The following TMPRSS9 variants were observed in gnomAD, a reference collection of about 807,000 sequenced individuals.
The protein encoded by TMPRSS9 is transmembrane serine protease 9, also known as transmembrane protease serine 9.
In TMPRSS9, 113 loss-of-function variants were observed where a neutral mutation model predicts 111.4. The observed-to-expected ratio is 1.01, with a 90% CI of 0.87 to 1.19. The LOEUF (loss-of-function observed/expected upper bound fraction) is 1.19. Among genes scored for constraint, TMPRSS9 ranks in the 50% most tolerant of loss-of-function variants. TMPRSS9 has a pLI of 0.00. For missense variants in TMPRSS9, 1,803 were observed against 1,513.1 expected, an observed-to-expected ratio of 1.19 and a Z score of -3.18; for synonymous variants, 805 against 659.1, an observed-to-expected ratio of 1.22 and a Z score of -3.39.
chr19:2,401,091 G>A (rs548360895), intron 4 of TMPRSS9, among the ~76,000 whole-genome samples: 13 of 150,832 alleles, frequency 8.6e-5, no homozygotes, highest in Non-Finnish European at 8.9e-5. Flanking sequence ...TGGCTAACAC[G>A]GTGAAACCCC....
chr19:2,415,578 T>C, intron 10 of TMPRSS9, 92 bp from the exon 12 acceptor site: 1 of 1,249,610 alleles, frequency 8.0e-7, no homozygotes. Context: ...CTTCAGGGCC[T>C]GGCTGCAACC....
rs565851114 is a variant in TMPRSS9 at position 2,411,891 on chromosome 19, C to G, written c.1254+1497C>G. Among the ~76,000 whole-genome samples, 9 of 152,252 alleles carry G rather than the reference C, an allele frequency of 5.9e-5. No homozygotes were observed. In the South Asian group the frequency reaches 1.7e-3, roughly 28 times the overall value. On this transcript the variant is annotated intron_variant, in intron 9 of 17. Coordinates refer to ENST00000648592, the Ensembl canonical transcript of TMPRSS9. ...TTGTTTTCAAGGTGTCTCATTCTTT[C>G]TTCTTTCAGCCACCTGGTCTTGTTT...
At chr19:2,396,511 C>G (rs373664796) in intron 1 of TMPRSS9, 28 bp from the exon 3 acceptor site, 13 of 1,569,356 alleles carry the variant, frequency 8.3e-6, no homozygotes, top group African/African-American at 2.7e-5. Context: ...AAGGTGGGCT[C>G]TCTCACGGGC....
chr19:2,389,577 G>T (rs182442287), upstream of TMPRSS9, among the ~76,000 whole-genome samples: 820 of 151,386 alleles, frequency 5.4e-3, 7 homozygotes, highest in Non-Finnish European at 9.5e-3. Flanking sequence ...CATGTTGGCC[G>T]GGCTGATCTG....
At chr19:2,424,682 G>T (rs1163047445) in intron 15 of TMPRSS9, among the ~76,000 whole-genome samples, 1 of 152,170 alleles carries the variant, frequency 6.6e-6, no homozygotes, top group East Asian at 1.9e-4. Context: ...GGCAGTCGAG[G>T]GGTCCGGTTT....
At chr19:2,393,588 C>G (rs1284912854) in intron 1 of TMPRSS9, among the ~76,000 whole-genome samples, 1 of 152,116 alleles carries the variant, frequency 6.6e-6, no homozygotes, top group African/African-American at 2.4e-5. Flanking sequence ...GAAACCCTGT[C>G]TCTACAAAAG....
At chr19:2,421,585 C>T (rs1971462992) in intron 13 of TMPRSS9, among the ~76,000 whole-genome samples, 1 of 152,104 alleles carries the variant, frequency 6.6e-6, no homozygotes, top group Non-Finnish European at 1.5e-5. Flanking sequence ...CCACGCCTGG[C>T]CTTATTGTTA....
intron 1 of TMPRSS9, among the ~76,000 whole-genome samples, chr19:2,383,341 T>C (rs1199353021): frequency 1.3e-5 from 2 of 148,776 alleles, no homozygotes; most frequent in African/African-American, 2.5e-5. Context: ...GTGACACAGC[T>C]AGATTCCGTC....
intron 1 of TMPRSS9, among the ~76,000 whole-genome samples, chr19:2,390,992 C>A (rs1970576401): frequency 6.7e-6 from 1 of 150,064 alleles, no homozygotes; most frequent in African/African-American, 2.5e-5. Context: ...CATGGTGAAA[C>A]CCCATCTCTA....
At chr19:2,425,229 G>A (rs1357687915) in exon 16 of TMPRSS9, 5 of 1,443,416 alleles carry the variant, frequency 3.5e-6, no homozygotes, top group African/African-American at 1.5e-5. Flanking sequence ...GACGGCACGC[G>A]CTGCGTCATC....
Position 2,410,409 on chromosome 19 carries a change from C to T in TMPRSS9, c.1254+15C>T, listed in dbSNP as rs1453764852. 1 of 1,612,530 alleles carries T rather than the reference C, an allele frequency of 6.2e-7. No individual in the cohort carries two copies. The stretch of plus-strand genomic sequence containing the variant: ...ACTCCTGCCAGGTGAGCCCCCGATG[C>T]CCCAGACCCCAGAAAAACACAGAAA... On this transcript the variant is annotated intron_variant, in intron 9 of 17. Transcript: ENST00000648592.
chr19:2,405,965 G>A (rs992617655), intron 7 of TMPRSS9, among the ~76,000 whole-genome samples: 3 of 150,284 alleles, frequency 2.0e-5, no homozygotes, highest in African/African-American at 7.3e-5. Context: ...CAAAGTGCTG[G>A]GATTACAGGT....
intron 1 of TMPRSS9, among the ~76,000 whole-genome samples, chr19:2,368,775 T>TTTTTTTTTTTTTTTC (rs1970266411): frequency 1.4e-5 from 1 of 69,270 alleles, no homozygotes; most frequent in Non-Finnish European, 2.6e-5. Context: ...ATAAACCCAG[T>TTTTTTTTTTTTTTTC]TTTTTTTTTT....
At chr19:2,425,155 G>A (rs1218232472) in exon 16 of TMPRSS9, 3 of 1,573,372 alleles carry the variant, frequency 1.9e-6, no homozygotes, top group Admixed American at 3.5e-5. Context: ...AGCTGGCGGG[G>A]CCGGTGCGTC....
intron 15 of TMPRSS9, 40 bp downstream of exon 16, chr19:2,424,297 T>C: frequency 1.5e-6 from 2 of 1,315,696 alleles, no homozygotes; most frequent in Non-Finnish European, 9.8e-7. Context: ...CATGTCTCTG[T>C]AGCTCACCCG....
chr19:2,371,616 G>T (rs1350655586), intron 1 of TMPRSS9, among the ~76,000 whole-genome samples: 1 of 151,998 alleles, frequency 6.6e-6, no homozygotes, highest in African/African-American at 2.4e-5. Flanking sequence ...AGAATCGGTT[G>T]AACCCAGGAG....
chr19:2,404,963 T>C (rs1970938012), intron 6 of TMPRSS9, among the ~76,000 whole-genome samples: 1 of 151,134 alleles, frequency 6.6e-6, no homozygotes, highest in Non-Finnish European at 1.5e-5. Flanking sequence ...AAGACTAAAC[T>C]TACAAACGTG....
At chr19:2,400,356 A>G (rs953234657) in intron 4 of TMPRSS9, among the ~76,000 whole-genome samples, 16 of 152,022 alleles carry the variant, frequency 1.1e-4, no homozygotes, top group Non-Finnish European at 2.1e-4. Flanking sequence ...AGCCTGGCCA[A>G]CATGGCGAAA....
At chr19:2,422,038 C>G (rs139183825) in exon 14 of TMPRSS9, 1 of 1,612,626 alleles carries the variant, frequency 6.2e-7, no homozygotes, top group Non-Finnish European at 8.5e-7. Flanking sequence ...TCTCCCCCCT[C>G]GACCACAAGG....
Sources: allele counts gnomAD v4.1 joint callset (sites outside exome capture counted in the v4.1 genomes callset), GRCh38; gene constraint gnomAD v4.1.1; transcripts MANE v1.5; gene names NCBI Gene and HGNC (gene_info 2026-07-23, HGNC 2026-07-21).